Variants in COL24A1 observed in about 807,000 individuals in gnomAD.
The protein encoded by COL24A1 is collagen type XXIV alpha 1 chain.
In COL24A1, 224 loss-of-function variants were observed where a neutral mutation model predicts 253.9. The ratio of observed to expected loss-of-function variants is 0.88; its 90% CI spans 0.79 to 0.99. The LOEUF is 0.99. Ranked by LOEUF, COL24A1 falls within the 50% of genes least tolerant of loss-of-function variation. COL24A1 has a pLI of 0.00. For missense variants in COL24A1, 2,131 were observed against 2,068.5 expected, an observed-to-expected ratio of 1.03 and a Z score of -0.59; for synonymous variants, 685 against 673.7, an observed-to-expected ratio of 1.02 and a Z score of -0.26.
chr1:86,013,638 C>T (rs531038529), intron 19 of COL24A1, among the ~76,000 whole-genome samples: 81 of 152,230 alleles, frequency 5.3e-4, no homozygotes, highest in African/African-American at 1.8e-3. Flanking sequence ...GAGTTTGAGA[C>T]CAGCTTAGTC....
At position 86,037,467 on chromosome 1, in the gene COL24A1, A is replaced by G. The variant is rs888430072; in HGVS notation, c.1951-3544T>C. Among the ~76,000 whole-genome samples the G allele has an allele frequency of 1.6e-4, 24 of 152,204 alleles. 1 individual carries two copies. Among genetic ancestry groups the G allele is most frequent in the Admixed American group, 1.4e-3 (22 of 15,262 alleles). On this transcript the variant is annotated intron_variant, in intron 12 of 59. Transcript: ENST00000370571. ...GGCCAGAAACTGTGGGTGACTCTGC[A>G]AACTCTGGACAGTCTATAGGACCTG...
chr1:86,028,620 C>T (rs517786), intron 14 of COL24A1, among the ~76,000 whole-genome samples: 36,135 of 152,146 alleles, frequency 0.24, 5,333 homozygotes, highest in African/African-American at 0.41. Flanking sequence ...TTATAAATTA[C>T]GCAGTCTCAG....
intron 19 of COL24A1, among the ~76,000 whole-genome samples, chr1:85,999,570 G>A (rs957543901): frequency 2.0e-5 from 3 of 151,898 alleles, no homozygotes; most frequent in Admixed American, 6.6e-5. Context: ...TGCAGTGGCC[G>A]TGATCACGCC....
At chr1:85,875,202 G>T in intron 34 of COL24A1, 75 bp downstream of exon 34, 1 of 1,266,986 alleles carries the variant, frequency 7.9e-7, no homozygotes, top group Non-Finnish European at 1.1e-6. Flanking sequence ...CAAATATAGG[G>T]GATTCAATGG....
chr1:86,105,741 C>T (rs2102082952), intron 5 of COL24A1, among the ~76,000 whole-genome samples: 2 of 152,284 alleles, frequency 1.3e-5, no homozygotes, highest in South Asian at 4.1e-4. Flanking sequence ...AAGCCGCTCT[C>T]CCTGTCAATG....
In COL24A1 at chr1:85,923,657, A is replaced by T. The variant is rs151041235; in HGVS notation, c.2563-12224T>A. ...GACACAACGTACCGGAATCTCTGGGACATATTAAAAGCAGTGTGTAGAGGG... is the reference window on the plus strand; with the variant it reads ...GACACAACGTACCGGAATCTCTGGGTCATATTAAAAGCAGTGTGTAGAGGG... On this transcript the variant is annotated intron_variant, in intron 24 of 59. Coordinates refer to ENST00000370571, the MANE Select transcript of COL24A1 (RefSeq NM_152890.7). 4.6e-3 allele frequency among the ~76,000 whole-genome samples: 701 copies of T among 152,320 alleles called. 10 individuals are homozygous for T. Among genetic ancestry groups the T allele is most frequent in the African/African-American group, 0.016 (662 of 41,564 alleles).
At chr1:85,896,886 C>G (rs557828340) in intron 28 of COL24A1, among the ~76,000 whole-genome samples, 2 of 152,066 alleles carry the variant, frequency 1.3e-5, no homozygotes, top group Non-Finnish European at 2.9e-5. Context: ...GAGAATCAGC[C>G]CATGTTTTTA....
chr1:85,819,285 TAAAC>T lies in COL24A1; in HGVS notation c.3790-1202_3790-1199del, dbSNP rs1390426797. 2.0e-5 allele frequency among the ~76,000 whole-genome samples: 3 copies of T among 152,232 alleles called. No individual in the cohort carries two copies. The East Asian group carries it at 5.8e-4, about 29-fold the overall frequency. On this transcript the variant is annotated intron_variant, in intron 45 of 59. Transcript: ENST00000370571. ...TTCCTAACACAATAAAAAAGCAAAA[TAAAC>T]AAAGACTATTTTAAATAGTGGAAAA...
intron 5 of COL24A1, among the ~76,000 whole-genome samples, chr1:86,104,771 G>T (rs1271921111): frequency 6.6e-6 from 1 of 152,200 alleles, no homozygotes; most frequent in East Asian, 1.9e-4. Flanking sequence ...TAAGTTCCTG[G>T]ACCATTGATC....
intron 52 of COL24A1, among the ~76,000 whole-genome samples, chr1:85,776,810 T>C (rs1242441920): frequency 6.6e-6 from 1 of 152,106 alleles, no homozygotes; most frequent in Non-Finnish European, 1.5e-5. Flanking sequence ...TTCTGATCTA[T>C]GTCATGTTCT....
At chr1:86,063,500 A>G (rs1259122305) in intron 8 of COL24A1, among the ~76,000 whole-genome samples, 4 of 152,100 alleles carry the variant, frequency 2.6e-5, no homozygotes, top group Non-Finnish European at 5.9e-5. Context: ...CATATGGGGC[A>G]AAAGTAAAAA....
At chr1:86,019,041 A>T (rs991742534) in intron 18 of COL24A1, among the ~76,000 whole-genome samples, 2 of 152,200 alleles carry the variant, frequency 1.3e-5, no homozygotes, top group Admixed American at 6.5e-5. Context: ...ACAGAAAATT[A>T]AAAGTAGGAT....
intron 1 of COL24A1, among the ~76,000 whole-genome samples, chr1:86,151,867 CT>C (rs1217945079): frequency 6.6e-6 from 1 of 152,162 alleles, no homozygotes; most frequent in Admixed American, 6.5e-5. Flanking sequence ...GAATAGACAA[CT>C]TTTTATGAGT....
Position 85,984,944 on chromosome 1 carries a change from C to G in COL24A1, c.2364+2657G>C, listed in dbSNP as rs546984101. Reference sequence around the variant, plus strand: ...TTACCAAGTTGTTTTGTTTTTATTTCCAAAACACTTTTTAAATGGTCATTC... The same window carrying G: ...TTACCAAGTTGTTTTGTTTTTATTTGCAAAACACTTTTTAAATGGTCATTC... On this transcript the variant is annotated intron_variant, in intron 20 of 59. Transcript: ENST00000370571. 5.3e-5 allele frequency among the ~76,000 whole-genome samples: 8 copies of G among 151,784 alleles called. No homozygotes were observed. The South Asian group carries it at 1.5e-3, about 28-fold the overall frequency.
chr1:85,808,705 C>G (rs1285789063), intron 47 of COL24A1, among the ~76,000 whole-genome samples: 1 of 152,164 alleles, frequency 6.6e-6, no homozygotes, highest in Non-Finnish European at 1.5e-5. Flanking sequence ...TTTAAAATTT[C>G]AGGGGCTTGA....
At position 85,877,110 on chromosome 1, in the gene COL24A1, CA is replaced by C; in HGVS notation, c.3030+11del. The C allele has an allele frequency of 6.3e-7, 1 of 1,598,852 alleles. No individual in the cohort carries two copies. The highest frequency in any genetic ancestry group is 1.7e-5 in the Admixed American group (1 of 58,086). On this transcript the variant is annotated intron_variant, in intron 33 of 59. Transcript: ENST00000370571. ...AATATTTATGAAGAAGAACTAGCCA[CA>C]AAAAATTTACCTCCATGCCCATTTC...
chr1:85,793,164 T>A (rs556451649), intron 47 of COL24A1, among the ~76,000 whole-genome samples: 18 of 152,322 alleles, frequency 1.2e-4, no homozygotes, highest in African/African-American at 3.4e-4. Context: ...AGTATATTTT[T>A]AAAAATTATC....
At chr1:85,968,725 A>G (rs1381050956) in intron 22 of COL24A1, among the ~76,000 whole-genome samples, 1 of 152,032 alleles carries the variant, frequency 6.6e-6, no homozygotes, top group Non-Finnish European at 1.5e-5. Context: ...CTTTAATAAT[A>G]CTCTTTCAAG....
At chr1:85,735,192 T>G (rs771592535) in intron 58 of COL24A1, among the ~76,000 whole-genome samples, 6 of 152,166 alleles carry the variant, frequency 3.9e-5, no homozygotes, top group Non-Finnish European at 8.8e-5. Flanking sequence ...ACTCCCAAAG[T>G]GCTGGGATTA....
Sources: gnomAD v4.1 joint callset for allele counts (sites outside exome capture counted in the v4.1 genomes callset) on GRCh38, gnomAD v4.1.1 for gene constraint, MANE v1.5 for transcripts, NCBI Gene and HGNC (gene_info 2026-07-23, HGNC 2026-07-21) for gene names.